The following FHOD3 variants were observed in gnomAD, a reference collection of about 807,000 sequenced individuals.
The protein encoded by FHOD3 is formin homology 2 domain containing 3.
FHOD3 carries 90 observed loss-of-function variants against 173.0 expected under a neutral mutation model. That is an observed-to-expected ratio of 0.52 (90% CI 0.44 to 0.62). The LOEUF is 0.62. Ranked by LOEUF, FHOD3 falls within the 20% of genes least tolerant of loss-of-function variation. FHOD3 has a pLI of 0.00. For missense variants in FHOD3, 1,945 were observed against 2,034.7 expected (o/e 0.96, Z 0.85); for synonymous variants, 828 against 823.0 (o/e 1.01, Z -0.10).
intron 4 of FHOD3, among the ~76,000 whole-genome samples, chr18:36,503,250 T>C (rs2055131529): frequency 6.6e-6 from 1 of 152,204 alleles, no homozygotes; most frequent in East Asian, 1.9e-4. Flanking sequence ...GTTTTTGCAT[T>C]GAGCTTGCGT....
chr18:36,713,524 G>A (rs1225959095), intron 18 of FHOD3, among the ~76,000 whole-genome samples: 2 of 152,168 alleles, frequency 1.3e-5, no homozygotes, highest in Non-Finnish European at 2.9e-5. Context: ...CAAAGGGGAT[G>A]AAGAAAGGTT....
chr18:36,618,398 C>T (rs1169490355), intron 9 of FHOD3, among the ~76,000 whole-genome samples: 5 of 148,746 alleles, frequency 3.4e-5, no homozygotes, highest in East Asian at 3.9e-4. Context: ...CCACAACCTC[C>T]GCCTCCCGGG....
At position 36,780,127 on chromosome 18, in the gene FHOD3, CAA is replaced by C; in HGVS notation, c.*600_*601del. On this transcript the variant is annotated 3_prime_UTR_variant, in exon 29 of 29. Coordinates refer to ENST00000590592, the MANE Select transcript of FHOD3 (RefSeq NM_001281740.3). ...CCACAGGCTCGCCTCTTCAGAATGG[CAA>C]AACTCTTCTCAGTGTCCTCAGAAGC... 1 of 1,232,126 alleles carries C rather than the reference CAA, an allele frequency of 8.1e-7. No homozygotes were observed. The allele number at this position is 1,232,126 out of a possible 1,614,324, so 76.3% of individuals were successfully genotyped here. A position where few individuals can be genotyped will look rare whatever the true frequency, so the allele number is the denominator to read the frequency against.
intron 25 of FHOD3, among the ~76,000 whole-genome samples, chr18:36,756,036 C>T (rs1019314010): frequency 1.2e-4 from 18 of 152,136 alleles, no homozygotes; most frequent in African/African-American, 2.2e-4. Context: ...GACAGATGCT[C>T]AGTAAAGTGG....
intron 1 of FHOD3, among the ~76,000 whole-genome samples, chr18:36,298,477 G>A (rs1302398058): frequency 6.6e-6 from 1 of 152,186 alleles, no homozygotes; most frequent in Non-Finnish European, 1.5e-5. Context: ...GGGCCGCTGC[G>A]GGCGGCCACG....
chr18:36,677,448 CT>C (rs1315314755), intron 14 of FHOD3, among the ~76,000 whole-genome samples: 3 of 152,170 alleles, frequency 2.0e-5, no homozygotes, highest in Admixed American at 2.0e-4. Context: ...CATGCCCAGC[CT>C]GTATTTTGTT....
At chr18:36,556,109 C>G (rs548710237) in intron 5 of FHOD3, among the ~76,000 whole-genome samples, 1 of 152,186 alleles carries the variant, frequency 6.6e-6, no homozygotes, top group African/African-American at 2.4e-5. Flanking sequence ...TACTTTGTTA[C>G]ATTTTCCTCT....
intron 28 of FHOD3, among the ~76,000 whole-genome samples, chr18:36,773,661 T>C (rs573146267): frequency 6.6e-6 from 1 of 152,276 alleles, no homozygotes; most frequent in Admixed American, 6.5e-5. Flanking sequence ...CCAGGCTGTG[T>C]CTCACTGCTG....
intron 24 of FHOD3, among the ~76,000 whole-genome samples, chr18:36,752,764 A>G (rs1409238915): frequency 2.0e-5 from 3 of 152,188 alleles, no homozygotes; most frequent in Admixed American, 2.0e-4. Context: ...ACAATGCTCT[A>G]GAAAGTGTAG....
intron 5 of FHOD3, among the ~76,000 whole-genome samples, chr18:36,550,593 T>C (rs999361608): frequency 3.3e-5 from 5 of 152,174 alleles, no homozygotes; most frequent in African/African-American, 1.2e-4. Context: ...GATATATCTC[T>C]ATTTAGGTCA....
intron 3 of FHOD3, among the ~76,000 whole-genome samples, chr18:36,478,425 A>G (rs1042654667): frequency 1.6e-4 from 24 of 152,188 alleles, no homozygotes; most frequent in Admixed American, 4.6e-4. Context: ...CAATCCAATC[A>G]TACTCTTCTA....
At chr18:36,309,933 G>A (rs573752604) in intron 1 of FHOD3, among the ~76,000 whole-genome samples, 1 of 152,316 alleles carries the variant, frequency 6.6e-6, no homozygotes, top group East Asian at 1.9e-4. Flanking sequence ...GGGCATTTGG[G>A]CCTCCGTCTC....
chr18:36,742,933 G>C, intron 22 of FHOD3, 77 bp downstream of exon 22: 2 of 1,531,998 alleles, frequency 1.3e-6, no homozygotes, highest in Non-Finnish European at 1.8e-6. Flanking sequence ...GATGAAGGTT[G>C]TACCTCAGGT....
chr18:36,620,081 C>G (rs1038915515), intron 9 of FHOD3, among the ~76,000 whole-genome samples: 13 of 152,168 alleles, frequency 8.5e-5, no homozygotes, highest in Non-Finnish European at 1.3e-4. Flanking sequence ...TGCTGTTCTC[C>G]TGTTTAAGAA....
chr18:36,631,097 T>G (rs12955062), intron 10 of FHOD3, among the ~76,000 whole-genome samples: 1 of 152,142 alleles, frequency 6.6e-6, no homozygotes, highest in Non-Finnish European at 1.5e-5. Context: ...GATGCGGCAG[T>G]GGAGAGCCCA....
chr18:36,760,540 G>A, intron 26 of FHOD3, 68 bp from the exon 27 acceptor site: 1 of 1,415,086 alleles, frequency 7.1e-7, no homozygotes, highest in Non-Finnish European at 9.4e-7. Flanking sequence ...TCAACCACGG[G>A]TTTTAGAAGC....
Position 36,597,938 on chromosome 18 carries a change from A to G in FHOD3, c.718+3040A>G, listed in dbSNP as rs560995871. Among the ~76,000 whole-genome samples, 58 of 152,354 alleles carry G rather than the reference A, an allele frequency of 3.8e-4. 1 individual carries two copies. The South Asian group carries it at 0.012, about 32-fold the overall frequency. ...TTTTATAATGCATACATATAACGTC[A>G]TCCTATTCTACTGCTAGTAGAATTG... On this transcript the variant is annotated intron_variant, in intron 7 of 28. Transcript: ENST00000590592.
At position 36,577,924 on chromosome 18, in the gene FHOD3, G is replaced by A. The variant is rs531726892; in HGVS notation, c.606+1379G>A. ...TAGGGACCTGACTGCAGGGGGATTT[G>A]GGAGAAGTAGTGAAAGGGACCCTGT... On this transcript the variant is annotated intron_variant, in intron 6 of 28. Coordinates refer to ENST00000590592, the MANE Select transcript of FHOD3 (RefSeq NM_001281740.3). Among the ~76,000 whole-genome samples, 8 of 152,302 alleles carry A rather than the reference G, an allele frequency of 5.3e-5. 1 individual carries two copies. In the South Asian group the frequency reaches 1.7e-3, roughly 32 times the overall value.
chr18:36,568,897 A>G (rs2147844900), intron 5 of FHOD3, among the ~76,000 whole-genome samples: 1 of 152,302 alleles, frequency 6.6e-6, no homozygotes, highest in Admixed American at 6.5e-5. Flanking sequence ...GTTGATACAG[A>G]TACTTGATTT....
Sources: gnomAD v4.1 joint callset for allele counts (sites outside exome capture counted in the v4.1 genomes callset) on GRCh38, gnomAD v4.1.1 for gene constraint, MANE v1.5 for transcripts, NCBI Gene and HGNC (gene_info 2026-07-23, HGNC 2026-07-21) for gene names.